The following KCNIP4 variants were observed in gnomAD, a reference collection of about 807,000 sequenced individuals.
KCNIP4 encodes potassium voltage-gated channel interacting protein 4.
In KCNIP4, 12 loss-of-function variants were observed where a neutral mutation model predicts 34.0. The ratio of observed to expected loss-of-function variants is 0.35; its 90% confidence interval spans 0.23 to 0.57. The LOEUF (loss-of-function observed/expected upper bound fraction) is 0.57, where lower values mean the gene tolerates loss of function less well. KCNIP4 is among the 20% of genes least tolerant of loss of function. KCNIP4 has a pLI of 0.83. For missense variants in KCNIP4, 238 were observed against 311.7 expected (o/e 0.76, Z 1.78); for synonymous variants, 124 against 102.2 (o/e 1.21, Z -1.29).
At chr4:21,172,971 G>T (rs938820417) in intron 1 of KCNIP4, among the ~76,000 whole-genome samples, 1 of 152,116 alleles carries the variant, frequency 6.6e-6, no homozygotes, top group Non-Finnish European at 1.5e-5. Context: ...GACTGCATAC[G>T]GAAGCGGCAC....
chr4:21,358,960 T>C (rs1236340503), intron 1 of KCNIP4, among the ~76,000 whole-genome samples: 3 of 152,040 alleles, frequency 2.0e-5, no homozygotes, highest in African/African-American at 7.2e-5. Context: ...ATGTCTCATG[T>C]CTCCCCACAA....
intron 1 of KCNIP4, among the ~76,000 whole-genome samples, chr4:21,243,874 T>C (rs1279819614): frequency 6.6e-6 from 1 of 152,162 alleles, no homozygotes; most frequent in African/African-American, 2.4e-5. Flanking sequence ...AAATTAATGG[T>C]CAGTTTTTTG....
At chr4:20,834,746 T>G (rs2149462835) in intron 3 of KCNIP4, among the ~76,000 whole-genome samples, 1 of 152,214 alleles carries the variant, frequency 6.6e-6, no homozygotes, top group South Asian at 2.1e-4. Context: ...AAAGGCAAGG[T>G]TCTTGTGGGC....
intron 1 of KCNIP4, among the ~76,000 whole-genome samples, chr4:21,519,757 A>ATGTATGTGTGTATACACACGTGTG (rs1430342592): frequency 8.1e-6 from 1 of 123,990 alleles, no homozygotes; most frequent in African/African-American, 3.7e-5. Context: ...ACGTGTGTGT[A>ATGTATGTGTGTATACACACGTGTG]TGTATGTGTG....
At chr4:21,235,051 C>A (rs574324541) in intron 1 of KCNIP4, among the ~76,000 whole-genome samples, 1 of 152,154 alleles carries the variant, frequency 6.6e-6, no homozygotes, top group East Asian at 1.9e-4. Context: ...TAGATCAGGT[C>A]TTATAACTAC....
chr4:21,211,287 T>C (rs1293814211), intron 1 of KCNIP4, among the ~76,000 whole-genome samples: 2 of 152,174 alleles, frequency 1.3e-5, no homozygotes, highest in Non-Finnish European at 2.9e-5. Context: ...GGAATAATTC[T>C]ACCCTATGAG....
At chr4:21,334,978 C>T (rs974399048) in intron 1 of KCNIP4, among the ~76,000 whole-genome samples, 4 of 152,052 alleles carry the variant, frequency 2.6e-5, no homozygotes, top group African/African-American at 7.2e-5. Flanking sequence ...GTATACAAGT[C>T]TTTTTCTACA....
At chr4:21,864,468 T>C (rs984059985) in intron 1 of KCNIP4, among the ~76,000 whole-genome samples, 3 of 152,182 alleles carry the variant, frequency 2.0e-5, no homozygotes, top group Non-Finnish European at 4.4e-5. Flanking sequence ...ATGCCCTATA[T>C]GAAAAAGCAA....
At chr4:20,974,716 C>T (rs1243928874) in intron 1 of KCNIP4, among the ~76,000 whole-genome samples, 1 of 151,986 alleles carries the variant, frequency 6.6e-6, no homozygotes, top group Non-Finnish European at 1.5e-5. Flanking sequence ...GACGTGAGGC[C>T]CAGGCAATTT....
intron 1 of KCNIP4, among the ~76,000 whole-genome samples, chr4:21,939,741 C>G (rs752257263): frequency 6.6e-5 from 10 of 152,076 alleles, no homozygotes; most frequent in Non-Finnish European, 1.3e-4. Flanking sequence ...AAAGACTCAT[C>G]TTCAAATTAA....
intron 3 of KCNIP4, among the ~76,000 whole-genome samples, chr4:20,764,228 CTACTGTAAGAGTATATTGGTCAT>C (rs1755194314): frequency 6.6e-6 from 1 of 152,248 alleles, no homozygotes; most frequent in Non-Finnish European, 1.5e-5. Context: ...CATAATCTGA[CTACTGTAAGAGTATATTGGTCAT>C]TTATATAAGC....
At chr4:21,746,878 G>A (rs1716816499) in intron 1 of KCNIP4, among the ~76,000 whole-genome samples, 1 of 152,108 alleles carries the variant, frequency 6.6e-6, no homozygotes, top group Non-Finnish European at 1.5e-5. Flanking sequence ...AAAGGAGCAG[G>A]AAATATACCC....
In KCNIP4 at chr4:21,257,766, GAAA is replaced by G. The variant is rs1560223300; in HGVS notation, c.62-375060_62-375058del. Among the ~76,000 whole-genome samples the G allele has an allele frequency of 3.5e-3, 299 of 86,220 alleles. 2 individuals carry two copies. In the African/African-American group the frequency reaches 0.038, roughly 11 times the overall value. The allele number at this position is 86,220 out of a possible 152,430, so 56.6% of individuals were successfully genotyped here. ...CTCAGTCTCAAAAAAAAAAAAAAAA[GAAA>G]GAAAGAAAAAGAAACACCAGGAGAT... On this transcript the variant is annotated intron_variant, in intron 1 of 8. Coordinates refer to ENST00000382152, the MANE Select transcript of KCNIP4 (RefSeq NM_025221.6).
intron 1 of KCNIP4, among the ~76,000 whole-genome samples, chr4:21,246,401 G>A (rs546048728): frequency 6.6e-6 from 1 of 152,284 alleles, no homozygotes; most frequent in Admixed American, 6.5e-5. Flanking sequence ...AGCTTAAGCT[G>A]ATTTTGTCAA....
chr4:21,116,094 T>C (rs761540357), intron 1 of KCNIP4, among the ~76,000 whole-genome samples: 15 of 152,316 alleles, frequency 9.8e-5, no homozygotes, highest in Middle Eastern at 6.8e-3. Context: ...ATAAAGCCAA[T>C]GAAGCTAAAG....
At chr4:21,579,363 T>C (rs56069015) in intron 1 of KCNIP4, among the ~76,000 whole-genome samples, 23,426 of 152,190 alleles carry the variant, frequency 0.15, 2,086 homozygotes, top group South Asian at 0.21. Flanking sequence ...ATTTCTTTCA[T>C]CCCAGAAGAA....
chr4:21,714,789 A>C (rs201857643), intron 1 of KCNIP4, among the ~76,000 whole-genome samples: 1,775 of 4,878 alleles, frequency 0.36, 176 homozygotes, highest in African/African-American at 0.51. Flanking sequence ...CCCTTTGATT[A>C]TTTTATTTTA....
intron 1 of KCNIP4, among the ~76,000 whole-genome samples, chr4:21,102,367 T>C (rs11939493): frequency 0.023 from 3,520 of 152,248 alleles, 157 homozygotes; most frequent in African/African-American, 0.081. Flanking sequence ...AGCTATATAA[T>C]TCAAGGGCAA....
chr4:21,608,046 C>T (rs910304695), intron 1 of KCNIP4, among the ~76,000 whole-genome samples: 2 of 152,086 alleles, frequency 1.3e-5, no homozygotes, highest in Non-Finnish European at 2.9e-5. Context: ...CTCTGCAAGG[C>T]TTTTACTCAT....
Sources: gnomAD v4.1 joint callset for allele counts (sites outside exome capture counted in the v4.1 genomes callset) on GRCh38, gnomAD v4.1.1 for gene constraint, MANE v1.5 for transcripts, NCBI Gene and HGNC (gene_info 2026-07-23, HGNC 2026-07-21) for gene names.